THSD7B: variants seen among roughly 807,000 people sequenced by gnomAD.
THSD7B encodes thrombospondin type-1 domain-containing protein 7B.
Under a neutral mutation model 213.6 loss-of-function variants are expected in THSD7B, and 138 were observed. The ratio of observed to expected loss-of-function variants is 0.65; its 90% confidence interval spans 0.56 to 0.74. THSD7B has a LOEUF of 0.74. Among genes scored for constraint, THSD7B ranks in the 30% least tolerant of loss-of-function variants. THSD7B has a pLI of 0.00. For missense variants in THSD7B, 1,931 were observed against 1,991.5 expected (o/e 0.97, Z 0.58); for synonymous variants, 742 against 687.0 (o/e 1.08, Z -1.25).
chr2:137,452,250 A>G (rs1687666600), intron 15 of THSD7B, among the ~76,000 whole-genome samples: 1 of 152,136 alleles, frequency 6.6e-6, no homozygotes, highest in Non-Finnish European at 1.5e-5. Context: ...TAAATAAGAT[A>G]TGAACCTTTT....
Position 137,605,648 on chromosome 2 carries a change from CTTTTTTTTTT to C in THSD7B, c.3424-10497_3424-10488del, listed in dbSNP as rs34604281. Among the ~76,000 whole-genome samples, 4 of 68,972 alleles carry C rather than the reference CTTTTTTTTTT, an allele frequency of 5.8e-5. 1 individual carries two copies. Among genetic ancestry groups the C allele is most frequent in the African/African-American group, 2.3e-4 (4 of 17,562 alleles). 45.2% of individuals were successfully genotyped at this position (68,972 alleles called of 152,430 possible). ...AAAAAGCATATATTGGCACTTCGCA[CTTTTTTTTTT>C]TTTTTTTTTTTTTTTTTTTTTTTTT... On this transcript the variant is annotated intron_variant, in intron 17 of 27. Coordinates refer to ENST00000409968, the MANE Select transcript of THSD7B (RefSeq NM_001316349.2).
At chr2:137,038,354 T>C (rs1686816069) in intron 2 of THSD7B, among the ~76,000 whole-genome samples, 2 of 152,170 alleles carry the variant, frequency 1.3e-5, no homozygotes, top group Admixed American at 1.3e-4. Context: ...ACCTATCTGA[T>C]GAAGAAGAGC....
chr2:137,539,391 A>C (rs1297566522), intron 15 of THSD7B, among the ~76,000 whole-genome samples: 1 of 151,704 alleles, frequency 6.6e-6, no homozygotes, highest in African/African-American at 2.4e-5. Context: ...TTCCAGACCT[A>C]TTCTGCCTTA....
chr2:137,617,997 C>A (rs1239428163), intron 18 of THSD7B, among the ~76,000 whole-genome samples: 1 of 152,180 alleles, frequency 6.6e-6, no homozygotes, highest in South Asian at 2.1e-4. Flanking sequence ...CAGGGGTACA[C>A]AAACATCTGG....
intron 7 of THSD7B, among the ~76,000 whole-genome samples, chr2:137,187,481 C>A (rs1263953429): frequency 6.6e-6 from 1 of 152,218 alleles, no homozygotes; most frequent in Non-Finnish European, 1.5e-5. Flanking sequence ...GCCTGAAGAA[C>A]TGTCCTGAAA....
chr2:136,945,082 T>G (rs1172904810), intron 2 of THSD7B, among the ~76,000 whole-genome samples: 2 of 152,184 alleles, frequency 1.3e-5, no homozygotes, highest in African/African-American at 4.8e-5. Flanking sequence ...AGGGCAGGCA[T>G]GGTGGTGACA....
chr2:136,857,056 A>G lies in THSD7B; in HGVS notation c.-35-25088A>G, dbSNP rs566099490. 5.8e-4 allele frequency among the ~76,000 whole-genome samples: 88 copies of G among 152,194 alleles called. 4 individuals are homozygous for G. In the South Asian group the frequency reaches 0.018, roughly 30 times the overall value. On this transcript the variant is annotated intron_variant, in intron 1 of 27. Coordinates refer to ENST00000409968, the MANE Select transcript of THSD7B (RefSeq NM_001316349.2). The stretch of plus-strand genomic sequence containing the variant: ...TGTTTTGAAAATTTCATTTTAGTTC[A>G]TTGGTTTTCATTTTGACTGTTTTCA...
intron 1 of THSD7B, among the ~76,000 whole-genome samples, chr2:136,828,233 C>G (rs565504355): frequency 6.6e-6 from 1 of 152,296 alleles, no homozygotes; most frequent in East Asian, 1.9e-4. Flanking sequence ...TCCTCTCTTT[C>G]TCTGGGTAGC....
At chr2:137,340,976 T>C (rs1008682048) in intron 12 of THSD7B, among the ~76,000 whole-genome samples, 3 of 100,098 alleles carry the variant, frequency 3.0e-5, no homozygotes, top group Non-Finnish European at 4.0e-5. Flanking sequence ...TCTAATTCTC[T>C]TTTTGTTTTT....
chr2:137,576,886 A>C (rs1681474972), intron 17 of THSD7B, among the ~76,000 whole-genome samples: 1 of 150,766 alleles, frequency 6.6e-6, no homozygotes, highest in Non-Finnish European at 1.5e-5. Flanking sequence ...CAGTATTTTC[A>C]GCACCTTGGC....
At chr2:137,494,648 C>T (rs1679518094) in intron 15 of THSD7B, among the ~76,000 whole-genome samples, 1 of 152,256 alleles carries the variant, frequency 6.6e-6, no homozygotes, top group East Asian at 1.9e-4. Flanking sequence ...CACTCTTACT[C>T]TTATTGAATG....
chr2:137,239,153 A>G (rs1355938701), intron 9 of THSD7B, among the ~76,000 whole-genome samples: 1 of 151,990 alleles, frequency 6.6e-6, no homozygotes, highest in Admixed American at 6.6e-5. Context: ...TTTTTGAAAT[A>G]ATTATAGATC....
chr2:137,130,820 A>G (rs1485768438), intron 5 of THSD7B, among the ~76,000 whole-genome samples: 2 of 119,744 alleles, frequency 1.7e-5, no homozygotes, highest in African/African-American at 5.6e-5. Context: ...GCTATTGTGA[A>G]TAGTGCCACA....
chr2:137,297,133 G>C (rs948236141), intron 12 of THSD7B, among the ~76,000 whole-genome samples: 2 of 147,668 alleles, frequency 1.4e-5, no homozygotes, highest in African/African-American at 5.0e-5. Context: ...AAAGTATCTA[G>C]TAGGCCTGGA....
chr2:137,609,531 C>T (rs1285653868), intron 17 of THSD7B, among the ~76,000 whole-genome samples: 1 of 152,130 alleles, frequency 6.6e-6, no homozygotes, highest in Non-Finnish European at 1.5e-5. Flanking sequence ...CCAAGAACAA[C>T]ACAGAGGCCA....
chr2:136,891,654 A>G (rs1343875308), intron 2 of THSD7B, among the ~76,000 whole-genome samples: 1 of 152,196 alleles, frequency 6.6e-6, no homozygotes, highest in African/African-American at 2.4e-5. Flanking sequence ...TTCGGGAAAG[A>G]CATCATCATT....
intron 5 of THSD7B, among the ~76,000 whole-genome samples, chr2:137,128,886 CT>C (rs1688674598): frequency 6.6e-6 from 1 of 152,192 alleles, no homozygotes; most frequent in South Asian, 2.1e-4. Context: ...CTATAAGAAC[CT>C]TTTTCCAATG....
At chr2:136,930,680 A>G (rs1684612691) in intron 2 of THSD7B, among the ~76,000 whole-genome samples, 1 of 152,202 alleles carries the variant, frequency 6.6e-6, no homozygotes, top group Non-Finnish European at 1.5e-5. Flanking sequence ...AGCTCTAAAG[A>G]GTAAAGAGTC....
chr2:136,825,681 A>G (rs1230922118), intron 1 of THSD7B, among the ~76,000 whole-genome samples: 2 of 146,010 alleles, frequency 1.4e-5, no homozygotes, highest in Non-Finnish European at 3.0e-5. Context: ...CCTCCCGAGT[A>G]GCTGGGACTA....
Sources: gnomAD v4.1 joint callset for allele counts (sites outside exome capture counted in the v4.1 genomes callset) on GRCh38, gnomAD v4.1.1 for gene constraint, MANE v1.5 for transcripts, NCBI Gene and HGNC (gene_info 2026-07-23, HGNC 2026-07-21) for gene names.